The following ZNF385D variants were observed in gnomAD, a reference collection of about 807,000 sequenced individuals.
ZNF385D encodes the protein zinc finger protein 385D, also known as zinc finger protein 659.
ZNF385D carries 15 observed loss-of-function variants against 35.8 expected under a neutral mutation model. The ratio of observed to expected loss-of-function variants is 0.42; its 90% CI spans 0.28 to 0.64. ZNF385D has a LOEUF of 0.64. Ranked by LOEUF, ZNF385D falls within the 30% of genes least tolerant of loss-of-function variation. The pLI is 0.23. For missense variants in ZNF385D, 474 were observed against 494.6 expected (o/e 0.96, Z 0.39); for synonymous variants, 212 against 186.8 (o/e 1.13, Z -1.10).
At chr3:21,669,668 T>C (rs914824754) in intron 1 of ZNF385D, among the ~76,000 whole-genome samples, 3 of 152,178 alleles carry the variant, frequency 2.0e-5, no homozygotes, top group African/African-American at 7.2e-5. Flanking sequence ...TTAGATAATA[T>C]ATATAAAGTG....
intron 1 of ZNF385D, among the ~76,000 whole-genome samples, chr3:21,681,760 T>G (rs2066919489): frequency 6.6e-6 from 1 of 151,748 alleles, no homozygotes; most frequent in South Asian, 2.1e-4. Flanking sequence ...ATGTGTATTT[T>G]TGGTGCTACA....
Position 21,885,638 on chromosome 3 carries a change from TTTAAG to T in ZNF385D, c.326-220615_326-220611del, listed in dbSNP as rs148864116. ...AAAGTTTTATATATTTTATTGTTAC[TTTAAG>T]TTGTTACACAAATTTTATATCAGTG... On this transcript the variant is annotated intron_variant, in intron 3 of 5. Transcript: ENST00000494108. 4.1e-3 allele frequency among the ~76,000 whole-genome samples: 617 copies of T among 152,002 alleles called. 3 individuals carry two copies. The highest frequency in any genetic ancestry group is 0.011 in the South Asian group (55 of 4,820).
rs1438513977 is a variant in ZNF385D at position 22,065,261 on chromosome 3, G to A, written c.325+103556C>T. 2.0e-5 allele frequency among the ~76,000 whole-genome samples: 3 copies of A among 152,216 alleles called. No homozygotes were observed. In the South Asian group the frequency reaches 6.2e-4, roughly 32 times the overall value. On this transcript the variant is annotated intron_variant, in intron 3 of 5. Transcript: ENST00000494108. ...GCCAAAAGAAGCACTGATAGAGAATGAGGACTTTTAAGAAAGCAAGATGGA... is the reference window on the plus strand; with the variant it reads ...GCCAAAAGAAGCACTGATAGAGAATAAGGACTTTTAAGAAAGCAAGATGGA...
chr3:21,808,969 G>A (rs1180986124), intron 3 of ZNF385D, among the ~76,000 whole-genome samples: 1 of 152,206 alleles, frequency 6.6e-6, no homozygotes, highest in South Asian at 2.1e-4. Context: ...GGAAGGGCAT[G>A]CATTCTAAAC....
Position 21,420,989 on chromosome 3 carries a change from C to T in ZNF385D, c.*225G>A, listed in dbSNP as rs1318190227. On this transcript the variant is annotated 3_prime_UTR_variant, in exon 8 of 8. Transcript: ENST00000281523. The stretch of plus-strand genomic sequence containing the variant: ...TCAATGCTGGAGATCACTTCTAAAA[C>T]AATCAGCGTTCAAGAGGAATGCTTT... 3 of 533,018 alleles carry T rather than the reference C, an allele frequency of 5.6e-6. 1 individual carries two copies. The highest frequency in any genetic ancestry group is 1.0e-5 in the Non-Finnish European group (3 of 298,252). The allele number at this position is 533,018 out of a possible 1,614,324, so 33.0% of individuals were successfully genotyped here.
intron 3 of ZNF385D, among the ~76,000 whole-genome samples, chr3:21,987,989 G>A (rs1306428901): frequency 1.4e-5 from 2 of 145,974 alleles, no homozygotes; most frequent in Non-Finnish European, 3.0e-5. Flanking sequence ...CATTCTTCAC[G>A]TAGTTCTCGA....
At chr3:21,887,920 A>G (rs1467190932) in intron 3 of ZNF385D, among the ~76,000 whole-genome samples, 1 of 152,138 alleles carries the variant, frequency 6.6e-6, no homozygotes, top group African/African-American at 2.4e-5. Flanking sequence ...TAAATGGGTT[A>G]CACATGTCCA....
At chr3:22,127,004 T>C (rs77914060) in intron 3 of ZNF385D, among the ~76,000 whole-genome samples, 2,749 of 152,264 alleles carry the variant, frequency 0.018, 72 homozygotes, top group African/African-American at 0.063. Context: ...TCCTGTTCTT[T>C]TTTGGCTTTC....
chr3:21,780,087 A>G (rs1197850447), intron 3 of ZNF385D, among the ~76,000 whole-genome samples: 1 of 151,928 alleles, frequency 6.6e-6, no homozygotes, highest in Non-Finnish European at 1.5e-5. Flanking sequence ...CCACACCCAC[A>G]CAGAAACACA....
At chr3:22,010,515 C>A (rs1481496408) in intron 3 of ZNF385D, among the ~76,000 whole-genome samples, 2 of 152,148 alleles carry the variant, frequency 1.3e-5, no homozygotes, top group Non-Finnish European at 2.9e-5. Flanking sequence ...TATCTAGGCT[C>A]AGACTTGCAA....
At chr3:21,897,859 T>A (rs1419663268) in intron 3 of ZNF385D, among the ~76,000 whole-genome samples, 2 of 152,164 alleles carry the variant, frequency 1.3e-5, no homozygotes, top group African/African-American at 4.8e-5. Flanking sequence ...TCTTAGTGTG[T>A]ATCGAAAAGA....
At chr3:21,600,037 C>T (rs2064237006) in intron 2 of ZNF385D, among the ~76,000 whole-genome samples, 1 of 152,200 alleles carries the variant, frequency 6.6e-6, no homozygotes, top group African/African-American at 2.4e-5. Flanking sequence ...AGAATGACCT[C>T]TGGTTGTCCT....
intron 3 of ZNF385D, among the ~76,000 whole-genome samples, chr3:22,120,332 C>G (rs1703026374): frequency 6.6e-6 from 1 of 152,074 alleles, no homozygotes. Flanking sequence ...TGACACCTTC[C>G]CACTGGGTCC....
chr3:22,167,111 G>C (rs1391907610), intron 3 of ZNF385D, among the ~76,000 whole-genome samples: 1 of 152,190 alleles, frequency 6.6e-6, no homozygotes, highest in Non-Finnish European at 1.5e-5. Flanking sequence ...CCAAGCCAAA[G>C]ACAGCTTAAA....
intron 2 of ZNF385D, among the ~76,000 whole-genome samples, chr3:22,234,851 A>G (rs1484681561): frequency 6.6e-6 from 1 of 152,062 alleles, no homozygotes; most frequent in African/African-American, 2.4e-5. Flanking sequence ...TTGCATCTGA[A>G]TAGTATTTCA....
chr3:21,482,915 T>C (rs1489626054), intron 4 of ZNF385D, among the ~76,000 whole-genome samples: 3 of 152,152 alleles, frequency 2.0e-5, no homozygotes, highest in African/African-American at 7.2e-5. Context: ...TCTAGATTCC[T>C]GCAATGACAA....
intron 3 of ZNF385D, among the ~76,000 whole-genome samples, chr3:21,850,848 A>G (rs1451705231): frequency 6.6e-6 from 1 of 152,106 alleles, no homozygotes; most frequent in Non-Finnish European, 1.5e-5. Flanking sequence ...CCTAAAAATT[A>G]CAGAACAGAT....
chr3:22,106,604 C>A (rs1702226077), intron 3 of ZNF385D, among the ~76,000 whole-genome samples: 1 of 152,204 alleles, frequency 6.6e-6, no homozygotes, highest in East Asian at 1.9e-4. Context: ...CAGTCCCTGC[C>A]CCCTTGGTTT....
At chr3:21,541,749 G>A (rs2062182494) in intron 3 of ZNF385D, among the ~76,000 whole-genome samples, 1 of 152,120 alleles carries the variant, frequency 6.6e-6, no homozygotes, top group Non-Finnish European at 1.5e-5. Context: ...TAGGATTAAT[G>A]AAATGGAATG....
Sources: allele counts gnomAD v4.1 joint callset (sites outside exome capture counted in the v4.1 genomes callset), GRCh38; gene constraint gnomAD v4.1.1; transcripts MANE v1.5; gene names NCBI Gene and HGNC (gene_info 2026-07-23, HGNC 2026-07-21).